EPB41L5: variants seen among roughly 807,000 people sequenced by gnomAD.
The protein encoded by EPB41L5 is erythrocyte membrane protein band 4.1 like 5, also known as band 4.1-like protein 5.
Under a neutral mutation model 106.6 loss-of-function variants are expected in EPB41L5, and 55 were observed. The observed-to-expected ratio is 0.52, with a 90% CI of 0.42 to 0.65. The LOEUF (loss-of-function observed/expected upper bound fraction) is 0.65, where lower values mean the gene tolerates loss of function less well. EPB41L5 is among the 30% of genes least tolerant of loss of function. The probability of loss-of-function intolerance (pLI) is 0.00; values close to 1 mark genes in which losing one functional copy is unlikely to be tolerated. For missense variants in EPB41L5, 871 were observed against 882.1 expected, an observed-to-expected ratio of 0.99 and a Z score of 0.16; for synonymous variants, 297 against 306.7, an observed-to-expected ratio of 0.97 and a Z score of 0.33.
rs901431497 is a variant in EPB41L5, at chr2:120,130,308, C to G, written c.1502-1310C>G. 2.0e-5 allele frequency among the ~76,000 whole-genome samples: 3 copies of G among 152,112 alleles called. No individual in the cohort carries two copies. The East Asian group carries it at 5.8e-4, about 29-fold the overall frequency. Reference sequence around the variant, plus strand: ...TCCATTCAGACTTATAACATTTGCTCAAAATCAATCAGTGAGAATAATTAG... The same window carrying G: ...TCCATTCAGACTTATAACATTTGCTGAAAATCAATCAGTGAGAATAATTAG... On this transcript the variant is annotated intron_variant, in intron 17 of 24. Transcript: ENST00000263713.
At chr2:120,041,483 C>T (rs1442765584) in intron 2 of EPB41L5, among the ~76,000 whole-genome samples, 2 of 152,112 alleles carry the variant, frequency 1.3e-5, no homozygotes, top group South Asian at 2.1e-4. Context: ...CTCTCATATT[C>T]CCCGCACCTC....
chr2:120,102,083 C>T (rs2105401526), intron 16 of EPB41L5, among the ~76,000 whole-genome samples: 1 of 152,262 alleles, frequency 6.6e-6, no homozygotes, highest in East Asian at 1.9e-4. Flanking sequence ...GTTCTGTTTG[C>T]AAGGAAAAAT....
Position 120,035,762 on chromosome 2 carries a change from GAAGTT to G in EPB41L5, c.181-6240_181-6236del, listed in dbSNP as rs1420645918. ...TTTTAAAAGAAATTCATCCCTGAAGGAAGTTAAGATCACTCCCAATCATAAATTTT... is the reference window on the plus strand; with the variant it reads ...TTTTAAAAGAAATTCATCCCTGAAGGAAGATCACTCCCAATCATAAATTTT... On this transcript the variant is annotated intron_variant, in intron 2 of 24. Coordinates refer to ENST00000263713, the MANE Select transcript of EPB41L5 (RefSeq NM_020909.4). Among the ~76,000 whole-genome samples the G allele has an allele frequency of 8.5e-5, 13 of 152,280 alleles. No homozygotes were observed. The South Asian group carries it at 2.3e-3, about 27-fold the overall frequency.
At chr2:120,067,036 A>G (rs150871737) in intron 3 of EPB41L5, among the ~76,000 whole-genome samples, 18 of 152,332 alleles carry the variant, frequency 1.2e-4, no homozygotes, top group African/African-American at 3.4e-4. Context: ...AGCTGTTCCT[A>G]TTCGGCCATC....
At position 120,056,305 on chromosome 2, in the gene EPB41L5, C is replaced by CT. The variant is rs796441351; in HGVS notation, c.285+14207dup. Among the ~76,000 whole-genome samples the CT allele has an allele frequency of 5.4e-3, 754 of 139,446 alleles. 4 individuals carry two copies. The highest frequency in any genetic ancestry group is 0.016 in the African/African-American group (629 of 38,160). 91.5% of individuals were successfully genotyped at this position (139,446 alleles called of 152,430 possible). A position where few individuals can be genotyped will look rare whatever the true frequency, so the allele number is the denominator to read the frequency against. The stretch of plus-strand genomic sequence containing the variant: ...ATCCCACTTAGTCATGGTTTATAGT[C>CT]TTTTTTTTTTTTGAGATGGAGTCTC... On this transcript the variant is annotated intron_variant, in intron 3 of 24. Coordinates refer to ENST00000263713, the MANE Select transcript of EPB41L5 (RefSeq NM_020909.4).
chr2:120,080,097 AAGT>A (rs899842172), intron 10 of EPB41L5, among the ~76,000 whole-genome samples: 37 of 151,742 alleles, frequency 2.4e-4, no homozygotes, highest in South Asian at 6.2e-4. Flanking sequence ...AAAAAATTGA[AAGT>A]AGTATTTCTT....
chr2:120,020,015 G>C (rs1397487054), intron 2 of EPB41L5, among the ~76,000 whole-genome samples: 1 of 152,094 alleles, frequency 6.6e-6, no homozygotes, highest in African/African-American at 2.4e-5. Flanking sequence ...GGGTGGAGGA[G>C]GGGAAGAAAA....
intron 3 of EPB41L5, among the ~76,000 whole-genome samples, chr2:120,042,770 C>A (rs1043163315): frequency 2.0e-5 from 3 of 152,044 alleles, no homozygotes; most frequent in Non-Finnish European, 2.9e-5. Context: ...AATATTTACT[C>A]TCAAATAATT....
intron 2 of EPB41L5, among the ~76,000 whole-genome samples, chr2:120,035,014 G>A (rs1574495402): frequency 1.3e-5 from 2 of 152,166 alleles, no homozygotes; most frequent in East Asian, 3.9e-4. Flanking sequence ...TATTCAGTTG[G>A]TTTGTTTTAT....
chr2:120,156,587 G>A (rs987875420), intron 20 of EPB41L5, among the ~76,000 whole-genome samples: 13 of 152,130 alleles, frequency 8.5e-5, no homozygotes, highest in African/African-American at 2.9e-4. Flanking sequence ...CAAGCACAGG[G>A]CCAGCCAGCA....
chr2:120,119,687 C>G (rs546737894), intron 16 of EPB41L5, among the ~76,000 whole-genome samples: 1 of 151,994 alleles, frequency 6.6e-6, no homozygotes, highest in South Asian at 2.1e-4. Flanking sequence ...AGAGAATCAG[C>G]AAGACGGTGT....
At chr2:120,130,665 G>A (rs1438752474) in intron 17 of EPB41L5, among the ~76,000 whole-genome samples, 1 of 152,176 alleles carries the variant, frequency 6.6e-6, no homozygotes, top group Non-Finnish European at 1.5e-5. Context: ...CACCTGGAGA[G>A]TTTTAAAAAC....
At chr2:120,019,035 C>A in intron 1 of EPB41L5, 42 bp from the exon 2 acceptor site, 5 of 1,526,938 alleles carry the variant, frequency 3.3e-6, no homozygotes, top group Non-Finnish European at 4.5e-6. Flanking sequence ...TGGAGAATCT[C>A]ATTTTTTTCC....
intron 23 of EPB41L5, 35 bp downstream of exon 23, chr2:120,167,542 T>C: frequency 6.2e-7 from 1 of 1,608,602 alleles, no homozygotes; most frequent in Non-Finnish European, 8.5e-7. Flanking sequence ...TTCTTCTGGC[T>C]ACCCTTTCAG....
At chr2:120,139,434 A>G (rs778603941) in intron 18 of EPB41L5, among the ~76,000 whole-genome samples, 18 of 152,124 alleles carry the variant, frequency 1.2e-4, no homozygotes, top group Non-Finnish European at 1.8e-4. Flanking sequence ...CCATCTGACA[A>G]TGGACTAATA....
intron 16 of EPB41L5, among the ~76,000 whole-genome samples, chr2:120,123,345 C>G (rs565479746): frequency 1.2e-4 from 19 of 152,218 alleles, no homozygotes; most frequent in Non-Finnish European, 1.9e-4. Context: ...TGTTTTCACT[C>G]TCAGCCCTTC....
Position 120,040,004 on chromosome 2 carries a change from C to T in EPB41L5, c.181-2002C>T, listed in dbSNP as rs534961077. ...AGGTAGAGCAAAATTCAAATTCTAGCGTTGTCATTGTTTTAAATGTAATTT... is the reference window on the plus strand; with the variant it reads ...AGGTAGAGCAAAATTCAAATTCTAGTGTTGTCATTGTTTTAAATGTAATTT... On this transcript the variant is annotated intron_variant, in intron 2 of 24. Coordinates refer to ENST00000263713, the MANE Select transcript of EPB41L5 (RefSeq NM_020909.4). Among the ~76,000 whole-genome samples, 58 of 151,440 alleles carry T rather than the reference C, an allele frequency of 3.8e-4. No homozygotes were observed. The South Asian group carries it at 0.011, about 29-fold the overall frequency.
At chr2:120,157,760 C>A (rs1450846070) in intron 20 of EPB41L5, among the ~76,000 whole-genome samples, 1 of 146,720 alleles carries the variant, frequency 6.8e-6, no homozygotes, top group Non-Finnish European at 1.5e-5. Flanking sequence ...CGGAGTGAGA[C>A]CCTGTCTCAA....
chr2:120,019,309 T>C (rs745611990), intron 2 of EPB41L5, 45 bp downstream of exon 2: 17 of 1,555,140 alleles, frequency 1.1e-5, no homozygotes, highest in South Asian at 1.0e-4. Flanking sequence ...GCGATTACTG[T>C]CTTTGTTTGT....
Sources: gnomAD v4.1 joint callset for allele counts (sites outside exome capture counted in the v4.1 genomes callset) on GRCh38, gnomAD v4.1.1 for gene constraint, MANE v1.5 for transcripts, NCBI Gene and HGNC (gene_info 2026-07-23, HGNC 2026-07-21) for gene names.